Variants in GPR161 observed in about 807,000 individuals in gnomAD.
The protein encoded by GPR161 is G-protein coupled receptor RE2.
Under a neutral mutation model 39.2 loss-of-function variants are expected in GPR161, and 25 were observed. That is an observed-to-expected ratio of 0.64 (90% CI 0.47 to 0.89). The LOEUF (loss-of-function observed/expected upper bound fraction) is 0.89, where lower values mean the gene tolerates loss of function less well. GPR161 is among the 40% of genes least tolerant of loss of function. GPR161 has a pLI of 0.00. For missense variants in GPR161, 547 were observed against 677.8 expected (o/e 0.81, Z 2.14); for synonymous variants, 286 against 276.6 (o/e 1.03, Z -0.34).
At chr1:168,094,949 A>G (rs751734533) in intron 3 of GPR161, among the ~76,000 whole-genome samples, 1 of 152,248 alleles carries the variant, frequency 6.6e-6, no homozygotes, top group Non-Finnish European at 1.5e-5. Context: ...ATTAATTACA[A>G]TGGGAAAATC....
intron 3 of GPR161, among the ~76,000 whole-genome samples, chr1:168,093,978 A>C (rs555147453): frequency 9.3e-5 from 14 of 150,516 alleles, no homozygotes; most frequent in African/African-American, 2.4e-4. Flanking sequence ...AAAGACCAAT[A>C]ACTTGGAACC....
At chr1:168,107,526 C>T (rs1696720318) in intron 1 of GPR161, among the ~76,000 whole-genome samples, 2 of 152,206 alleles carry the variant, frequency 1.3e-5, no homozygotes, top group African/African-American at 4.8e-5. Flanking sequence ...GGGGATTCTA[C>T]AGCGTCCCCA....
intron 2 of GPR161, among the ~76,000 whole-genome samples, chr1:168,099,580 C>A (rs1271070428): frequency 1.3e-5 from 2 of 152,164 alleles, no homozygotes; most frequent in Non-Finnish European, 2.9e-5. Context: ...TACTTTATGG[C>A]AAGACTTCTC....
chr1:168,096,965 C>T lies in GPR161; in HGVS notation c.642G>A (p.Val214=). ...GCACCTTGCGTGCCTTGACCCTGGCCACGCGGAAGATGAAGCCATAGCACA... is the reference window on the plus strand; with the variant it reads ...GCACCTTGCGTGCCTTGACCCTGGCTACGCGGAAGATGAAGCCATAGCACA... The part of the protein sequence containing the change: ...MLVCYGFIFR[V]ARVKARKVHC... Residue 214 remains valine (V), a synonymous_variant, in exon 3 of 6, where the codon GTG becomes GTA. Coordinates refer to ENST00000682931, the MANE Select transcript of GPR161 (RefSeq NM_001375883.1). 1.2e-6 allele frequency: 2 copies of T among 1,614,200 alleles called. No homozygotes were observed. Among genetic ancestry groups the T allele is most frequent in the Non-Finnish European group, 1.7e-6 (2 of 1,180,052 alleles).
chr1:168,122,564 C>T (rs541667520), intron 1 of GPR161, among the ~76,000 whole-genome samples: 16 of 152,186 alleles, frequency 1.1e-4, no homozygotes, highest in Non-Finnish European at 2.1e-4. Context: ...CAGCTCCCTC[C>T]AGGGCCTGGC....
chr1:168,112,412 G>A (rs1237092518), intron 1 of GPR161, among the ~76,000 whole-genome samples: 6 of 144,944 alleles, frequency 4.1e-5, no homozygotes, highest in Admixed American at 1.4e-4. Context: ...CCCGGGAGGC[G>A]GAGCTTGCAG....
chr1:168,115,868 C>T (rs1355235496), intron 1 of GPR161, among the ~76,000 whole-genome samples: 2 of 151,954 alleles, frequency 1.3e-5, no homozygotes, highest in Admixed American at 6.6e-5. Context: ...CTCCACCTCC[C>T]GGGTTCACGC....
At chr1:168,090,917 A>G (rs994087360) in intron 3 of GPR161, among the ~76,000 whole-genome samples, 2 of 152,198 alleles carry the variant, frequency 1.3e-5, no homozygotes, top group African/African-American at 4.8e-5. Flanking sequence ...ACCACCACCA[A>G]GGTGATGACA....
At chr1:168,121,577 A>T (rs1698166571) in intron 1 of GPR161, among the ~76,000 whole-genome samples, 1 of 152,186 alleles carries the variant, frequency 6.6e-6, no homozygotes, top group Non-Finnish European at 1.5e-5. Context: ...CTCATGATGA[A>T]GACAGCTCAC....
chr1:168,125,934 T>C (rs2102247435), intron 1 of GPR161, among the ~76,000 whole-genome samples: 1 of 152,258 alleles, frequency 6.6e-6, no homozygotes, highest in Non-Finnish European at 1.5e-5. Flanking sequence ...ATTTCCCCTA[T>C]AAACTCTACT....
chr1:168,109,382 C>G (rs982239172), intron 1 of GPR161, among the ~76,000 whole-genome samples: 15 of 152,308 alleles, frequency 9.8e-5, no homozygotes, highest in East Asian at 1.9e-4. Context: ...AACCTCACAC[C>G]TGTAACCAGA....
chr1:168,120,405 A>G (rs1177188145), intron 1 of GPR161, among the ~76,000 whole-genome samples: 1 of 152,204 alleles, frequency 6.6e-6, no homozygotes, highest in African/African-American at 2.4e-5. Context: ...TTTTGGAAGT[A>G]ACTAACTTGC....
upstream of GPR161, chr1:168,137,347 C>G (rs773788399): frequency 3.9e-6 from 6 of 1,535,746 alleles, no homozygotes; most frequent in South Asian, 7.1e-5. Context: ...TCTCCTCCTC[C>G]AGTCCCGCCG....
rs1349197346 is a variant in GPR161 at position 168,081,520 on chromosome 1, C to T, written c.*4011G>A. Reference sequence around the variant, plus strand: ...GCTGCATGCTTTCCAAGTATTTCCTCATAGAATCCAGACAGTCACCCTGTG... The same window carrying T: ...GCTGCATGCTTTCCAAGTATTTCCTTATAGAATCCAGACAGTCACCCTGTG... On this transcript the variant is annotated 3_prime_UTR_variant, in exon 6 of 6. Transcript: ENST00000682931. The T allele has an allele frequency of 2.6e-5, 4 of 152,230 alleles. No individual in the cohort carries two copies. The highest frequency in any genetic ancestry group is 2.9e-5 in the Non-Finnish European group (2 of 68,050). The allele number at this position is 152,230 out of a possible 1,614,324, so 9.4% of individuals were successfully genotyped here.
At chr1:168,090,496 G>A (rs912997635) in intron 4 of GPR161, 68 bp downstream of exon 4, 6 of 885,594 alleles carry the variant, frequency 6.8e-6, no homozygotes, top group Admixed American at 3.9e-5. Context: ...CAGGGGAAAC[G>A]CGACACGGGG....
At chr1:168,115,581 G>A (rs1367382443) in intron 1 of GPR161, among the ~76,000 whole-genome samples, 1 of 152,060 alleles carries the variant, frequency 6.6e-6, no homozygotes, top group Non-Finnish European at 1.5e-5. Flanking sequence ...AGGAAAGTGA[G>A]ACCTCCCCCA....
Position 168,085,415 on chromosome 1 carries a change from C to G in GPR161, c.*116G>C. The G allele has an allele frequency of 1.1e-6, 1 of 938,942 alleles. No individual in the cohort carries two copies. Among genetic ancestry groups the G allele is most frequent in the Non-Finnish European group, 1.6e-6 (1 of 611,532 alleles). The allele number at this position is 938,942 out of a possible 1,614,324, so 58.2% of individuals were successfully genotyped here. On this transcript the variant is annotated 3_prime_UTR_variant, in exon 6 of 6. Coordinates refer to ENST00000682931, the MANE Select transcript of GPR161 (RefSeq NM_001375883.1). ...CTGCATACCAGATGCTGCTCCTTCC[C>G]TGTGTGTGGCCAGCTGTACACAGTG...
At chr1:168,103,382 C>G (rs1167783229) in intron 2 of GPR161, among the ~76,000 whole-genome samples, 1 of 148,760 alleles carries the variant, frequency 6.7e-6, no homozygotes, top group African/African-American at 2.5e-5. Context: ...TCATGTGTTT[C>G]TAATTTCATT....
At chr1:168,118,745 A>C (rs927391447) in intron 1 of GPR161, 1 of 151,506 alleles carries the variant, frequency 6.6e-6, no homozygotes, top group African/African-American at 2.4e-5. Context: ...TCTCAAAAAC[A>C]AAAAAAAAGT....
Sources: gnomAD v4.1 joint callset for allele counts (sites outside exome capture counted in the v4.1 genomes callset) on GRCh38, gnomAD v4.1.1 for gene constraint, MANE v1.5 for transcripts, NCBI Gene and HGNC (gene_info 2026-07-23, HGNC 2026-07-21) for gene names.